Variants in KRAS observed in about 807,000 individuals in gnomAD.
The protein encoded by KRAS is KRas proto-oncogene, GTPase.
KRAS carries 1 observed loss-of-function variant against 21.0 expected under a neutral mutation model. The ratio of observed to expected loss-of-function variants is 0.05; its 90% confidence interval spans 0.02 to 0.23. The LOEUF (loss-of-function observed/expected upper bound fraction) is 0.23, where lower values mean the gene tolerates loss of function less well. KRAS is among the 10% of genes least tolerant of loss of function. The pLI is 1.00. For synonymous variants in KRAS, 67 were observed against 72.5 expected, an observed-to-expected ratio of 0.92 and a Z score of 0.39; for missense variants, 107 against 221.8, an observed-to-expected ratio of 0.48 and a Z score of 3.29.
At position 25,211,604 on chromosome 12, in the gene KRAS, G is replaced by C. The variant is rs551586552; in HGVS notation, c.451-1693C>G. Among the ~76,000 whole-genome samples the C allele has an allele frequency of 3.9e-5, 6 of 152,088 alleles. No individual in the cohort carries two copies. In the South Asian group the frequency reaches 6.2e-4, roughly 16 times the overall value. On this transcript the variant is annotated intron_variant, in intron 4 of 4. Transcript: ENST00000311936. ...AAGAAAAAAAAACAAAAAATGTTAA[G>C]TGGTATTTCTCCTTTACTGTACTAC...
rs1951179491 is a variant in KRAS at position 25,209,397 on chromosome 12, A to G, written c.*398T>C. The G allele has an allele frequency of 6.2e-6, 5 of 805,870 alleles. No individual in the cohort carries two copies. 49.9% of individuals were successfully genotyped at this position (805,870 alleles called of 1,614,324 possible). A position where few individuals can be genotyped will look rare whatever the true frequency, so the allele number is the denominator to read the frequency against. The stretch of plus-strand genomic sequence containing the variant: ...AACCAATTAGAAGGTCTCAACTGAA[A>G]TTAGTAATTAATCCATTTATGTGAC... On this transcript the variant is annotated 3_prime_UTR_variant, in exon 5 of 5. Coordinates refer to ENST00000311936, the MANE Select transcript of KRAS (RefSeq NM_004985.5).
At chr12:25,216,528 GCCT>G (rs1164613443) in intron 4 of KRAS, among the ~76,000 whole-genome samples, 1 of 152,092 alleles carries the variant, frequency 6.6e-6, no homozygotes, top group Admixed American at 6.5e-5. Flanking sequence ...GCCCACCTTG[GCCT>G]CCTAAGGGCT....
chr12:25,208,893 C>G lies in KRAS; in HGVS notation c.*902G>C. ...AGAATTAAAACTATCTTCAAAGACT[C>G]AAGTTGAAGAAAAGATTTAAAGTTA... On this transcript the variant is annotated 3_prime_UTR_variant, in exon 5 of 5. Coordinates refer to ENST00000311936, the MANE Select transcript of KRAS (RefSeq NM_004985.5). 1 of 251,030 alleles carries G rather than the reference C, an allele frequency of 4.0e-6. No individual in the cohort carries two copies. The highest frequency in any genetic ancestry group is 7.7e-6 in the Non-Finnish European group (1 of 130,508). 15.6% of individuals were successfully genotyped at this position (251,030 alleles called of 1,614,324 possible).
intron 4 of KRAS, among the ~76,000 whole-genome samples, chr12:25,220,948 C>G (rs1431903965): frequency 6.8e-6 from 1 of 148,008 alleles, no homozygotes; most frequent in Non-Finnish European, 1.5e-5. Context: ...TTGCTTGAAC[C>G]CAGGAGGAGG....
At chr12:25,212,379 A>T (rs1201452159) in intron 4 of KRAS, among the ~76,000 whole-genome samples, 1 of 152,192 alleles carries the variant, frequency 6.6e-6, no homozygotes, top group African/African-American at 2.4e-5. Flanking sequence ...TCTGACAAAG[A>T]TTCTAGGCTT....
rs1396238254 is a variant in KRAS, at chr12:25,208,614, C to CAATGCT, written c.*1175_*1180dup. The CAATGCT allele has an allele frequency of 3.0e-5, 7 of 232,790 alleles. No individual in the cohort carries two copies. Among genetic ancestry groups the CAATGCT allele is most frequent in the Non-Finnish European group, 5.9e-5 (7 of 117,658 alleles). 14.4% of individuals were successfully genotyped at this position (232,790 alleles called of 1,614,324 possible). On this transcript the variant is annotated 3_prime_UTR_variant, in exon 5 of 5. Coordinates refer to ENST00000311936, the MANE Select transcript of KRAS (RefSeq NM_004985.5). ...AGTTTGTTTTCTTAAGAAACAAAAG[C>CAATGCT]AATGCTCTTGATTTGTCAGCAGGAC...
chr12:25,236,267 ATTCATTAC>A, intron 2 of KRAS, among the ~76,000 whole-genome samples: 1 of 152,282 alleles, frequency 6.6e-6, no homozygotes, highest in East Asian at 1.9e-4. Flanking sequence ...GGGAGATCAG[ATTCATTAC>A]TAGCATTATC....
At chr12:25,241,831 C>T (rs1331380108) in intron 2 of KRAS, among the ~76,000 whole-genome samples, 1 of 152,058 alleles carries the variant, frequency 6.6e-6, no homozygotes, top group Non-Finnish European at 1.5e-5. Context: ...GCCAAATGTC[C>T]CCTGGAGGGC....
chr12:25,224,213 A>G (rs1951361437), intron 4 of KRAS, among the ~76,000 whole-genome samples: 1 of 147,594 alleles, frequency 6.8e-6, no homozygotes, highest in African/African-American at 2.6e-5. Context: ...AAAAAAAGTT[A>G]ACTATAAACA....
At chr12:25,239,835 A>C (rs12423011) in intron 2 of KRAS, among the ~76,000 whole-genome samples, 28,528 of 151,850 alleles carry the variant, frequency 0.19, 2,864 homozygotes, top group African/African-American at 0.26. Context: ...TGCCTGTAAT[A>C]CCAGCTACCC....
At chr12:25,226,940 T>C (rs1007049111) in intron 3 of KRAS, among the ~76,000 whole-genome samples, 4 of 152,166 alleles carry the variant, frequency 2.6e-5, no homozygotes, top group African/African-American at 9.7e-5. Flanking sequence ...ATGATGTATC[T>C]AAAAAGTTTA....
chr12:25,248,444 T>A (rs1056154903), intron 1 of KRAS, among the ~76,000 whole-genome samples: 13 of 151,880 alleles, frequency 8.6e-5, no homozygotes, highest in African/African-American at 2.9e-4. Context: ...AGTGAGACTC[T>A]CTCTCTCAAA....
chr12:25,237,578 T>C (rs746898595), intron 2 of KRAS, among the ~76,000 whole-genome samples: 3 of 152,134 alleles, frequency 2.0e-5, no homozygotes, highest in African/African-American at 4.8e-5. Flanking sequence ...AGGCTAGAGA[T>C]AGACTTGGGA....
At chr12:25,237,631 C>A (rs1358859782) in intron 2 of KRAS, among the ~76,000 whole-genome samples, 1 of 152,152 alleles carries the variant, frequency 6.6e-6, no homozygotes, top group East Asian at 1.9e-4. Context: ...CTTATTTGTG[C>A]TATGGGCTTG....
chr12:25,225,518 A>C, intron 4 of KRAS, 96 bp downstream of exon 4: 1 of 1,198,984 alleles, frequency 8.3e-7, no homozygotes, highest in Non-Finnish European at 1.2e-6. Context: ...TTTATTTCCT[A>C]GTATAGCATA....
Position 25,245,264 on chromosome 12 carries a change from C to T in KRAS, c.111+10G>A, listed in dbSNP as rs755397559. 4.4e-6 allele frequency: 7 copies of T among 1,598,454 alleles called. No individual in the cohort carries two copies. Among genetic ancestry groups the T allele is most frequent in the Middle Eastern group, 1.7e-4 (1 of 5,998 alleles). ...TGCACCAGTAATATGCATATTAAAA[C>T]AAGATTTACCTCTATTGTTGGATCA... is the stretch of plus-strand genomic sequence containing the variant. On this transcript the variant is annotated intron_variant, in intron 2 of 4. Coordinates refer to ENST00000311936, the MANE Select transcript of KRAS (RefSeq NM_004985.5).
chr12:25,228,091 C>T (rs1197617830), intron 2 of KRAS, among the ~76,000 whole-genome samples: 1 of 151,570 alleles, frequency 6.6e-6, no homozygotes, highest in Non-Finnish European at 1.5e-5. Context: ...CCAAAATGCT[C>T]CAAAACCTGT....
At chr12:25,240,045 T>C (rs1951591893) in intron 2 of KRAS, among the ~76,000 whole-genome samples, 1 of 152,174 alleles carries the variant, frequency 6.6e-6, no homozygotes, top group African/African-American at 2.4e-5. Flanking sequence ...TTTTTCAATG[T>C]TTTATTTTGA....
rs61761080 is a variant in KRAS, at chr12:25,242,751, TGAAA to T, written c.111+2519_111+2522del. 7.0e-3 allele frequency among the ~76,000 whole-genome samples: 1,067 copies of T among 152,322 alleles called. 7 individuals are homozygous for T. Among genetic ancestry groups the T allele is most frequent in the African/African-American group, 0.024 (993 of 41,576 alleles). ...TCCATTAGTAAATATTTTCTTAATT[TGAAA>T]GATAGCTAATTTTCAGTTTTAAAAA... On this transcript the variant is annotated intron_variant, in intron 2 of 4. Coordinates refer to ENST00000311936, the MANE Select transcript of KRAS (RefSeq NM_004985.5).
Sources: gnomAD v4.1 joint callset for allele counts (sites outside exome capture counted in the v4.1 genomes callset) on GRCh38, gnomAD v4.1.1 for gene constraint, MANE v1.5 for transcripts, NCBI Gene and HGNC (gene_info 2026-07-23, HGNC 2026-07-21) for gene names.